Variants in PGBD5 observed in about 807,000 individuals in gnomAD.
The protein encoded by PGBD5 is piggyBac transposable element derived 5, also known as piggyBac transposable element-derived protein 5.
A neutral mutation model predicts 47.9 loss-of-function variants in PGBD5; 14 were observed. The ratio of observed to expected loss-of-function variants is 0.29; its 90% confidence interval spans 0.19 to 0.46. The LOEUF (loss-of-function observed/expected upper bound fraction) is 0.46. Ranked by LOEUF, PGBD5 falls within the 20% of genes least tolerant of loss-of-function variation. The pLI, the probability that PGBD5 is intolerant of heterozygous loss-of-function variation, is 1.00. For synonymous variants in PGBD5, 316 were observed against 306.3 expected, an observed-to-expected ratio of 1.03 and a Z score of -0.33; for missense variants, 635 against 716.0, an observed-to-expected ratio of 0.89 and a Z score of 1.29.
intron 6 of PGBD5, 31 bp downstream of exon 6, chr1:230,325,279 C>G: frequency 6.8e-7 from 1 of 1,479,942 alleles, no homozygotes; most frequent in Non-Finnish European, 9.4e-7. Flanking sequence ...CTATGAGAGC[C>G]CTTCTGTCAT....
At chr1:230,389,516 T>C (rs1229225399) in intron 1 of PGBD5, among the ~76,000 whole-genome samples, 2 of 152,196 alleles carry the variant, frequency 1.3e-5, no homozygotes, top group Non-Finnish European at 2.9e-5. Context: ...TACGTTAAAC[T>C]TTCCATAAAA....
At chr1:230,378,354 TA>T (rs1190713477) in intron 1 of PGBD5, among the ~76,000 whole-genome samples, 1 of 152,198 alleles carries the variant, frequency 6.6e-6, no homozygotes, top group Non-Finnish European at 1.5e-5. Flanking sequence ...AGTACAAAGA[TA>T]AAATAGCCTC....
intron 1 of PGBD5, among the ~76,000 whole-genome samples, chr1:230,378,088 C>A (rs1172441669): frequency 3.9e-5 from 6 of 152,328 alleles, no homozygotes; most frequent in African/African-American, 1.2e-4. Flanking sequence ...ACCAAACATA[C>A]TTTTACTTCT....
intron 1 of PGBD5, among the ~76,000 whole-genome samples, chr1:230,401,061 C>G (rs1657127873): frequency 6.6e-6 from 1 of 152,218 alleles, no homozygotes; most frequent in South Asian, 2.1e-4. Context: ...TGTCCTTGTC[C>G]CCTTCCTCAT....
At chr1:230,377,730 T>C (rs1668036303) in intron 1 of PGBD5, 3 of 1,421,614 alleles carry the variant, frequency 2.1e-6, no homozygotes, top group Non-Finnish European at 2.8e-6. Flanking sequence ...AAAGAGTCAT[T>C]GTGAGAATAA....
intron 1 of PGBD5, among the ~76,000 whole-genome samples, chr1:230,399,096 A>G (rs1657073641): frequency 6.6e-6 from 1 of 152,124 alleles, no homozygotes; most frequent in Non-Finnish European, 1.5e-5. Context: ...CTCATCAGTG[A>G]GCAAGAACAC....
intron 1 of PGBD5, among the ~76,000 whole-genome samples, chr1:230,416,082 G>T (rs1473564858): frequency 6.6e-6 from 1 of 152,208 alleles, no homozygotes; most frequent in Non-Finnish European, 1.5e-5. Flanking sequence ...GCAAGCAGCT[G>T]GCTTCCCTGT....
At chr1:230,332,044 AG>A (rs1482389873) in intron 5 of PGBD5, among the ~76,000 whole-genome samples, 3 of 139,622 alleles carry the variant, frequency 2.1e-5, no homozygotes, top group Non-Finnish European at 3.1e-5. Flanking sequence ...CACCACACAC[AG>A]CACACACAAC....
Position 230,412,990 on chromosome 1 carries a change from T to C in PGBD5, c.331+12608A>G, listed in dbSNP as rs369428783. Reference sequence around the variant, plus strand: ...TTTCAGGGTAACATACAGTAAGTCATTAACAGGTTCTTGGAAATTGTGACT... The same window carrying C: ...TTTCAGGGTAACATACAGTAAGTCACTAACAGGTTCTTGGAAATTGTGACT... On this transcript the variant is annotated intron_variant, in intron 1 of 6. Coordinates refer to ENST00000391860, the MANE Select transcript of PGBD5 (RefSeq NM_001258311.2). 6.6e-5 allele frequency among the ~76,000 whole-genome samples: 10 copies of C among 152,294 alleles called. No homozygotes were observed. The East Asian group carries it at 1.9e-3, about 29-fold the overall frequency.
chr1:230,403,823 A>C (rs1021055720), intron 1 of PGBD5, among the ~76,000 whole-genome samples: 1 of 152,238 alleles, frequency 6.6e-6, no homozygotes, highest in African/African-American at 2.4e-5. Flanking sequence ...CAAGAGTCTC[A>C]GCAACACACA....
chr1:230,419,570 T>A (rs989589117), intron 1 of PGBD5, among the ~76,000 whole-genome samples: 4 of 151,880 alleles, frequency 2.6e-5, no homozygotes, highest in African/African-American at 9.7e-5. Flanking sequence ...AGGTGAAAAG[T>A]AAATACAAAA....
intron 2 of PGBD5, among the ~76,000 whole-genome samples, chr1:230,356,074 A>G (rs796817260): frequency 1.3e-5 from 2 of 152,202 alleles, no homozygotes; most frequent in South Asian, 2.1e-4. Flanking sequence ...GTCTTTAAAT[A>G]TATACATAAA....
chr1:230,381,585 G>C (rs1230300935), intron 1 of PGBD5, among the ~76,000 whole-genome samples: 1 of 152,238 alleles, frequency 6.6e-6, no homozygotes, highest in East Asian at 1.9e-4. Flanking sequence ...CAGGCACTTA[G>C]CAGTGGGATG....
chr1:230,393,534 G>A (rs767804493), intron 1 of PGBD5, among the ~76,000 whole-genome samples: 2 of 152,124 alleles, frequency 1.3e-5, no homozygotes, highest in Non-Finnish European at 2.9e-5. Flanking sequence ...GCCTCAGAAG[G>A]AGCTCAGAAA....
At chr1:230,393,062 G>C (rs1238600940) in intron 1 of PGBD5, among the ~76,000 whole-genome samples, 1 of 149,476 alleles carries the variant, frequency 6.7e-6, no homozygotes, top group African/African-American at 2.5e-5. Context: ...GAGAGGGATA[G>C]GAAGGGGAAG....
chr1:230,329,112 A>G (rs1296610168), intron 5 of PGBD5, among the ~76,000 whole-genome samples: 1 of 70,112 alleles, frequency 1.4e-5, no homozygotes, highest in Admixed American at 1.4e-4. Flanking sequence ...ATGCCCAGCT[A>G]ATTTTTTTTT....
intron 1 of PGBD5, among the ~76,000 whole-genome samples, chr1:230,406,075 G>A (rs1232326062): frequency 3.9e-5 from 6 of 152,120 alleles, no homozygotes; most frequent in Non-Finnish European, 7.4e-5. Context: ...TTGGGAGGCC[G>A]AGGCAGGTGG....
chr1:230,352,811 T>C (rs1041653013), intron 2 of PGBD5, among the ~76,000 whole-genome samples: 2 of 152,110 alleles, frequency 1.3e-5, no homozygotes, highest in Non-Finnish European at 2.9e-5. Flanking sequence ...AGTGGGAGAA[T>C]GGGAGGGGAT....
chr1:230,333,786 TG>T (rs1449479850), intron 4 of PGBD5, among the ~76,000 whole-genome samples: 1 of 152,258 alleles, frequency 6.6e-6, no homozygotes, highest in Non-Finnish European at 1.5e-5. Context: ...CTTTCAGGCC[TG>T]GAAGACTGGC....
Sources: allele counts gnomAD v4.1 joint callset (sites outside exome capture counted in the v4.1 genomes callset), GRCh38; gene constraint gnomAD v4.1.1; transcripts MANE v1.5; gene names NCBI Gene and HGNC (gene_info 2026-07-23, HGNC 2026-07-21).